PCDHGA6: variants seen among roughly 807,000 people sequenced by gnomAD.
The protein encoded by PCDHGA6 is protocadherin gamma subfamily A, 6.
PCDHGA6 carries 41 observed loss-of-function variants against 60.6 expected under a neutral mutation model. The ratio of observed to expected loss-of-function variants is 0.68; its 90% CI spans 0.53 to 0.88. The LOEUF is 0.88. PCDHGA6 is among the 40% of genes least tolerant of loss of function. The pLI, the probability that PCDHGA6 is intolerant of heterozygous loss-of-function variation, is 0.00. For synonymous variants in PCDHGA6, 594 were observed against 524.4 expected, an observed-to-expected ratio of 1.13 and a Z score of -1.81; for missense variants, 1,312 against 1,203.0, an observed-to-expected ratio of 1.09 and a Z score of -1.34.
At chr5:141,498,803 C>T (rs916966107) in intron 2 of PCDHGA6, among the ~76,000 whole-genome samples, 5 of 151,982 alleles carry the variant, frequency 3.3e-5, no homozygotes, top group African/African-American at 1.2e-4. Flanking sequence ...TGTGGTGGTG[C>T]ACACCTGTAG....
chr5:141,475,899 T>A, intron 1 of PCDHGA6: 1 of 574,766 alleles, frequency 1.7e-6, no homozygotes. Flanking sequence ...TGTGTGCCGC[T>A]GTCGGCCAAT....
intron 1 of PCDHGA6, chr5:141,382,773 T>C: frequency 1.3e-6 from 1 of 782,328 alleles, no homozygotes; most frequent in Non-Finnish European, 2.0e-6. Context: ...CAGGCTGCAC[T>C]AAACTCAAGC....
At chr5:141,389,691 T>A in intron 1 of PCDHGA6, 1 of 1,612,564 alleles carries the variant, frequency 6.2e-7, no homozygotes, top group Non-Finnish European at 8.5e-7. Flanking sequence ...CGCCTGGCTG[T>A]CCTACCACGT....
At chr5:141,384,531 C>T (rs762355289) in intron 1 of PCDHGA6, 11 of 1,614,116 alleles carry the variant, frequency 6.8e-6, no homozygotes, top group African/African-American at 2.7e-5. Context: ...CTCTCAGCAG[C>T]AACATGTCAC....
rs367698678 is a variant in PCDHGA6 at position 141,374,080 on chromosome 5, A to G, written c.-4A>G. The G allele has an allele frequency of 6.6e-6, 10 of 1,519,950 alleles. No individual in the cohort carries two copies. In the African/African-American group the frequency reaches 1.4e-4, roughly 21 times the overall value. 94.2% of individuals were successfully genotyped at this position (1,519,950 alleles called of 1,614,324 possible). A position where few individuals can be genotyped will look rare whatever the true frequency, so the allele number is the denominator to read the frequency against. On this transcript the variant is annotated 5_prime_UTR_variant, in exon 1 of 4. Coordinates refer to ENST00000517434, the MANE Select transcript of PCDHGA6 (RefSeq NM_018919.3). The stretch of plus-strand genomic sequence containing the variant: ...ATCCCAGAGAAGTTCCTAATAAGCC[A>G]GTAATGGCGCCTCCGCAGAGGCATC...
At chr5:141,500,348 A>G (rs2099799436) in intron 2 of PCDHGA6, among the ~76,000 whole-genome samples, 1 of 151,950 alleles carries the variant, frequency 6.6e-6, no homozygotes, top group Non-Finnish European at 1.5e-5. Context: ...AGCTGGGACT[A>G]CAGGCGCCCA....
intron 1 of PCDHGA6, chr5:141,419,412 G>A (rs770138290): frequency 1.9e-6 from 3 of 1,613,446 alleles, no homozygotes; most frequent in South Asian, 2.2e-5. Context: ...TTCGCGCAGC[G>A]CGCCTTCGAC....
chr5:141,511,138 A>C lies in PCDHGA6; in HGVS notation c.2764A>C (p.Asn922His). 6.2e-7 allele frequency: 1 copy of C among 1,614,210 alleles called. No homozygotes were observed. ...DGKAPAGGNGNKKKSGKKEKK is the reference protein window; with the variant it reads ...DGKAPAGGNGHKKKSGKKEKK ...CAAGGCCCCAGCAGGTGGCAATGGCAACAAGAAGAAGTCGGGCAAGAAGGA... is the reference window on the plus strand; with the variant it reads ...CAAGGCCCCAGCAGGTGGCAATGGCCACAAGAAGAAGTCGGGCAAGAAGGA... Residue 922 changes from asparagine to histidine, a missense_variant, in exon 4 of 4, where the codon AAC becomes CAC. Transcript: ENST00000517434.
chr5:141,474,551 C>G (rs1032524620), intron 1 of PCDHGA6, among the ~76,000 whole-genome samples: 35 of 152,312 alleles, frequency 2.3e-4, no homozygotes, highest in Non-Finnish European at 3.5e-4. Flanking sequence ...GCATTTAAAA[C>G]TGGGGGTTTT....
chr5:141,419,715 TG>T (rs754309862), intron 1 of PCDHGA6: 1 of 1,613,288 alleles, frequency 6.2e-7, no homozygotes, highest in South Asian at 1.1e-5. Flanking sequence ...CTCTTCAGCC[TG>T]GGGCTGCGAA....
intron 1 of PCDHGA6, chr5:141,422,008 C>T (rs767148055): frequency 1.2e-5 from 20 of 1,609,502 alleles, no homozygotes; most frequent in Admixed American, 5.1e-5. Context: ...CTCCGGAACT[C>T]GGGTGCTGAT....
At chr5:141,418,015 G>T (rs1385008648) in intron 1 of PCDHGA6, 1 of 1,613,964 alleles carries the variant, frequency 6.2e-7, no homozygotes, top group Non-Finnish European at 8.5e-7. Context: ...ACCTCGCTAA[G>T]GATCTAGGGC....
At chr5:141,461,388 A>T (rs1025976806) in intron 1 of PCDHGA6, among the ~76,000 whole-genome samples, 5 of 152,164 alleles carry the variant, frequency 3.3e-5, no homozygotes, top group Admixed American at 6.5e-5. Context: ...CCTGATGATT[A>T]GCGATGTTGA....
At chr5:141,443,054 A>G (rs1591749542) in intron 1 of PCDHGA6, among the ~76,000 whole-genome samples, 1 of 152,218 alleles carries the variant, frequency 6.6e-6, no homozygotes. Flanking sequence ...TTATTGTTCC[A>G]CTGAAGAGCG....
chr5:141,415,740 G>GTTTTTTTTT (rs57426385), intron 1 of PCDHGA6: 68 of 625,028 alleles, frequency 1.1e-4, no homozygotes, highest in African/African-American at 1.3e-4. Context: ...GTTTATTAAG[G>GTTTTTTTTT]TTTTTTTTTT....
chr5:141,431,126 G>A lies in PCDHGA6; in HGVS notation c.2424+54619G>A, dbSNP rs2097344901. The A allele has an allele frequency of 2.5e-6, 4 of 1,614,114 alleles. No individual in the cohort carries two copies. Among genetic ancestry groups the A allele is most frequent in the Non-Finnish European group, 3.4e-6 (4 of 1,180,038 alleles). On this transcript the variant is annotated intron_variant, in intron 1 of 3. Coordinates refer to ENST00000517434, the MANE Select transcript of PCDHGA6 (RefSeq NM_018919.3). The surrounding 1 kb of genome is among the most constrained non-coding windows in gnomAD (Gnocchi z 4.8). ...GAAAATATATGGAGTAGAAGTAGAA[G>A]TAAGGGACATTAACGACAATGCGCC... is the stretch of plus-strand genomic sequence containing the variant.
Position 141,487,265 on chromosome 5 carries a change from G to C in PCDHGA6, c.2425-7542G>C, listed in dbSNP as rs144347539. 6,978 of 1,614,152 alleles carry C rather than the reference G, an allele frequency of 4.3e-3. 28 individuals carry two copies. Among genetic ancestry groups the C allele is most frequent in the Non-Finnish European group, 4.9e-3 (5,770 of 1,180,028 alleles). ...AACCCTCTACTTGGCTGTGTCCCTA[G>C]TGGCAATTTGCTTTGTCTCCTTTGG... On this transcript the variant is annotated intron_variant, in intron 1 of 3. Coordinates refer to ENST00000517434, the MANE Select transcript of PCDHGA6 (RefSeq NM_018919.3). This position sits in a 1 kb window ranked among gnomAD's most constrained non-coding sequence, Gnocchi z 5.0.
At chr5:141,420,412 T>A in intron 1 of PCDHGA6, 1 of 1,225,004 alleles carries the variant, frequency 8.2e-7, no homozygotes, top group Non-Finnish European at 1.1e-6. Flanking sequence ...TGGTTATCAT[T>A]ATTAAAACAA....
intron 1 of PCDHGA6, chr5:141,415,308 C>T: frequency 6.2e-7 from 1 of 1,614,236 alleles, no homozygotes; most frequent in Non-Finnish European, 8.5e-7. Flanking sequence ...TCCTGGCCTT[C>T]GTCATCGTGC....
Sources: gnomAD v4.1 joint callset for allele counts (sites outside exome capture counted in the v4.1 genomes callset) on GRCh38, gnomAD v4.1.1 for gene constraint, Gnocchi (gnomAD v3.1) non-coding constraint, MANE v1.5 for transcripts, NCBI Gene and HGNC (gene_info 2026-07-23, HGNC 2026-07-21) for gene names.